NALCN: variants seen among roughly 807,000 people sequenced by gnomAD.
NALCN encodes sodium leak channel NALCN.
In NALCN, 111 loss-of-function variants were observed where a neutral mutation model predicts 225.3. The observed-to-expected ratio is 0.49, with a 90% confidence interval of 0.42 to 0.58. NALCN has a LOEUF of 0.58. NALCN is among the 20% of genes least tolerant of loss of function. The pLI, the probability that NALCN is intolerant of heterozygous loss-of-function variation, is 0.00. For missense variants in NALCN, 1,378 were observed against 2,202.4 expected, an observed-to-expected ratio of 0.63 and a Z score of 7.49; for synonymous variants, 764 against 769.0, an observed-to-expected ratio of 0.99 and a Z score of 0.11.
In NALCN at chr13:101,055,257, G is replaced by C. The variant is rs945094397; in HGVS notation, c.*38C>G. ...CAATCAAGGACATTATTAGAAAACG[G>C]TTTCCACCACTAGAAATTCATCTAC... On this transcript the variant is annotated 3_prime_UTR_variant, in exon 44 of 44. Coordinates refer to ENST00000251127, the MANE Select transcript of NALCN (RefSeq NM_052867.4). 6.4e-7 allele frequency: 1 copy of C among 1,551,468 alleles called. No individual in the cohort carries two copies. Among genetic ancestry groups the C allele is most frequent in the African/African-American group, 1.4e-5 (1 of 73,600 alleles).
At chr13:101,223,138 C>T (rs1234520176) in intron 13 of NALCN, among the ~76,000 whole-genome samples, 2 of 152,142 alleles carry the variant, frequency 1.3e-5, no homozygotes, top group African/African-American at 4.8e-5. Context: ...TTTTACGGGA[C>T]ATTCACAACC....
chr13:101,384,652 A>G lies in NALCN; in HGVS notation c.292-5999T>C, dbSNP rs186284897. Among the ~76,000 whole-genome samples the G allele has an allele frequency of 1.6e-4, 25 of 152,308 alleles. No individual in the cohort carries two copies. In the East Asian group the frequency reaches 4.6e-3, roughly 28 times the overall value. On this transcript the variant is annotated intron_variant, in intron 3 of 43. Coordinates refer to ENST00000251127, the MANE Select transcript of NALCN (RefSeq NM_052867.4). ...GTATCTATTGCCAGATGTGAAATAG[A>G]CAACTGAGAATGGTCTAAAGAACTC...
chr13:101,074,378 T>A, intron 36 of NALCN, 136 bp downstream of exon 36: 1 of 757,986 alleles, frequency 1.3e-6, no homozygotes, highest in South Asian at 4.8e-5. Context: ...ACTTGGCTAT[T>A]TTATTTTAAT....
intron 17 of NALCN, among the ~76,000 whole-genome samples, chr13:101,131,673 C>T (rs1309730164): frequency 6.6e-6 from 1 of 152,180 alleles, no homozygotes; most frequent in Non-Finnish European, 1.5e-5. Context: ...TGTAACTAAG[C>T]TTGGTTTCCT....
rs144922415 is a variant in NALCN, at chr13:101,123,066, G to A, written c.2192+1542C>T. 8.7e-4 allele frequency among the ~76,000 whole-genome samples: 133 copies of A among 152,262 alleles called. 2 individuals are homozygous for A. The highest frequency in any genetic ancestry group is 3.1e-3 in the African/African-American group (130 of 41,560). On this transcript the variant is annotated intron_variant, in intron 18 of 43. Coordinates refer to ENST00000251127, the MANE Select transcript of NALCN (RefSeq NM_052867.4). ...GAGAGAGGGGTAAATAAGGACAGGA[G>A]GGTGAAAAAGGTAAAGTGATAGATC...
At chr13:101,397,107 T>TATATATATATAC (rs1555346488) in intron 2 of NALCN, among the ~76,000 whole-genome samples, 1 of 83,380 alleles carries the variant, frequency 1.2e-5, no homozygotes, top group Non-Finnish European at 2.3e-5. Context: ...TATATATATA[T>TATATATATATAC]ATACATACAC....
intron 16 of NALCN, 22 bp from the exon 17 acceptor site, chr13:101,143,243 G>T: frequency 6.3e-7 from 1 of 1,582,010 alleles, no homozygotes; most frequent in Non-Finnish European, 8.6e-7. Flanking sequence ...AAGTATATGT[G>T]CATCAGGCAT....
chr13:101,120,518 C>T (rs1267309822), intron 18 of NALCN, among the ~76,000 whole-genome samples: 2 of 119,584 alleles, frequency 1.7e-5, no homozygotes, highest in Non-Finnish European at 1.6e-5. Context: ...CAATGCCAAA[C>T]TTAAAAAAAA....
chr13:101,164,665 A>G (rs1414171033), intron 15 of NALCN, among the ~76,000 whole-genome samples: 1 of 152,188 alleles, frequency 6.6e-6, no homozygotes, highest in Non-Finnish European at 1.5e-5. Context: ...ACCTTGATCT[A>G]AACTGTTCTG....
intron 40 of NALCN, among the ~76,000 whole-genome samples, chr13:101,063,043 C>T (rs2032088063): frequency 6.6e-6 from 1 of 152,236 alleles, no homozygotes; most frequent in African/African-American, 2.4e-5. Context: ...AAGGCAGCTC[C>T]CAGGATGCCT....
intron 37 of NALCN, among the ~76,000 whole-genome samples, chr13:101,069,150 T>A (rs1300620937): frequency 6.6e-6 from 1 of 152,210 alleles, no homozygotes; most frequent in Non-Finnish European, 1.5e-5. Context: ...GTGATCAAAC[T>A]GCAGAAAATC....
chr13:101,317,047 A>AT (rs896209279), intron 7 of NALCN, among the ~76,000 whole-genome samples: 4 of 151,780 alleles, frequency 2.6e-5, no homozygotes, highest in South Asian at 2.1e-4. Flanking sequence ...TGTTCAATAT[A>AT]TTTTTTTTAG....
At position 101,336,725 on chromosome 13, in the gene NALCN, T is replaced by G. The variant is rs78095720; in HGVS notation, c.799+8541A>C. Among the ~76,000 whole-genome samples the G allele has an allele frequency of 8.1e-3, 1,236 of 152,346 alleles. 9 individuals carry two copies. The highest frequency in any genetic ancestry group is 0.012 in the Non-Finnish European group (841 of 68,028). On this transcript the variant is annotated intron_variant, in intron 7 of 43. Coordinates refer to ENST00000251127, the MANE Select transcript of NALCN (RefSeq NM_052867.4). ...ACATTCTAATAAAGAAATTAATTAA[T>G]GTGGATTTCCAAAATCACCTTGTAT...
chr13:101,308,213 G>A (rs560556156), intron 7 of NALCN, among the ~76,000 whole-genome samples: 10 of 152,278 alleles, frequency 6.6e-5, no homozygotes, highest in Non-Finnish European at 1.0e-4. Flanking sequence ...TGCTGCTTGC[G>A]ACTCTAGACT....
intron 17 of NALCN, among the ~76,000 whole-genome samples, chr13:101,138,189 G>A (rs569727236): frequency 2.2e-4 from 34 of 152,238 alleles, no homozygotes; most frequent in African/African-American, 7.0e-4. Context: ...GCTTCTAAAG[G>A]GTACAGTTCG....
chr13:101,230,324 G>C (rs1306250367), intron 12 of NALCN, among the ~76,000 whole-genome samples: 2 of 152,154 alleles, frequency 1.3e-5, no homozygotes, highest in African/African-American at 4.8e-5. Context: ...AATGGAAAGA[G>C]AAGCAAACTT....
At chr13:101,111,307 ATTATT>A in intron 18 of NALCN, 81 bp from the exon 19 acceptor site, 2 of 1,230,626 alleles carry the variant, frequency 1.6e-6, no homozygotes, top group Non-Finnish European at 2.2e-6. Flanking sequence ...CATTACTTTT[ATTATT>A]TTAAAGGCAA....
At chr13:101,108,787 A>G (rs1376440370) in intron 20 of NALCN, among the ~76,000 whole-genome samples, 1 of 152,206 alleles carries the variant, frequency 6.6e-6, no homozygotes, top group Non-Finnish European at 1.5e-5. Flanking sequence ...AGTAGATTTT[A>G]CAGAAAGCAC....
chr13:101,100,915 T>C, intron 26 of NALCN, 27 bp from the exon 27 acceptor site: 1 of 1,577,490 alleles, frequency 6.3e-7, no homozygotes, highest in Admixed American at 1.8e-5. Context: ...AAATGTTAAA[T>C]CTCTTGTTAA....
Sources: gnomAD v4.1 joint callset for allele counts (sites outside exome capture counted in the v4.1 genomes callset) on GRCh38, gnomAD v4.1.1 for gene constraint, MANE v1.5 for transcripts, NCBI Gene and HGNC (gene_info 2026-07-23, HGNC 2026-07-21) for gene names.